UHRF2: variants seen among roughly 807,000 people sequenced by gnomAD.
UHRF2 encodes the protein ubiquitin like with PHD and ring finger domains 2.
In UHRF2, 23 loss-of-function variants were observed where a neutral mutation model predicts 96.8. That is an observed-to-expected ratio of 0.24 (90% CI 0.17 to 0.34). The LOEUF (loss-of-function observed/expected upper bound fraction) is 0.34. UHRF2 is among the 10% of genes least tolerant of loss of function. The pLI is 1.00. For synonymous variants in UHRF2, 385 were observed against 332.6 expected (o/e 1.16, Z -1.72); for missense variants, 685 against 981.5 (o/e 0.70, Z 4.04).
At chr9:6,487,969 A>C (rs897799402) in intron 9 of UHRF2, among the ~76,000 whole-genome samples, 13 of 152,024 alleles carry the variant, frequency 8.6e-5, no homozygotes, top group Non-Finnish European at 1.6e-4. Context: ...GGCCGAATCC[A>C]GTGGCTCATG....
At position 6,413,314 on chromosome 9, in the gene UHRF2, C is replaced by T; in HGVS notation, c.-177C>T. 9.1e-6 allele frequency: 4 copies of T among 438,508 alleles called. 1 individual carries two copies. The South Asian group carries it at 3.2e-4, about 35-fold the overall frequency. The allele number at this position is 438,508 out of a possible 1,614,324, so 27.2% of individuals were successfully genotyped here. ...TCTCCTCAAGTCGGCTAGTCGGGCGCGCGCGCTGAGAGTCGTCGCCGCCTG... is the reference window on the plus strand; with the variant it reads ...TCTCCTCAAGTCGGCTAGTCGGGCGTGCGCGCTGAGAGTCGTCGCCGCCTG... On this transcript the variant is annotated 5_prime_UTR_variant, in exon 1 of 16. Transcript: ENST00000276893.
At chr9:6,485,341 T>C (rs1824202251) in intron 8 of UHRF2, among the ~76,000 whole-genome samples, 1 of 152,166 alleles carries the variant, frequency 6.6e-6, no homozygotes, top group Non-Finnish European at 1.5e-5. Context: ...TATACCTGTC[T>C]GTCACGTATT....
chr9:6,468,409 G>A (rs1029396080), intron 4 of UHRF2: 20 of 455,822 alleles, frequency 4.4e-5, no homozygotes, highest in African/African-American at 8.0e-5. Context: ...TAAATAGCCC[G>A]ATCAAATAGT....
chr9:6,448,052 G>A (rs191010836), intron 3 of UHRF2, among the ~76,000 whole-genome samples: 1 of 152,194 alleles, frequency 6.6e-6, no homozygotes, highest in Non-Finnish European at 1.5e-5. Context: ...GTAATGGAAG[G>A]AGATGCTAGC....
intron 8 of UHRF2, among the ~76,000 whole-genome samples, chr9:6,485,526 G>A (rs1453132191): frequency 6.6e-6 from 1 of 151,670 alleles, no homozygotes; most frequent in Admixed American, 6.6e-5. Flanking sequence ...TTCTGCTGAG[G>A]TGTTTCAAAA....
intron 4 of UHRF2, chr9:6,468,367 G>C (rs964696860): frequency 2.2e-6 from 1 of 446,212 alleles, no homozygotes; most frequent in African/African-American, 2.0e-5. Flanking sequence ...TGGGACAGCT[G>C]GCAGTAGATT....
chr9:6,487,048 C>A, intron 9 of UHRF2, 123 bp downstream of exon 9: 1 of 802,240 alleles, frequency 1.2e-6, no homozygotes, highest in South Asian at 1.9e-5. Flanking sequence ...TTGAAGTAAT[C>A]AGTTTTATAC....
At chr9:6,455,886 AG>A in intron 3 of UHRF2, among the ~76,000 whole-genome samples, 1 of 152,122 alleles carries the variant, frequency 6.6e-6, no homozygotes, top group Non-Finnish European at 1.5e-5. Context: ...TGGGAGGCTG[AG>A]GTAAGAGGAT....
intron 4 of UHRF2, among the ~76,000 whole-genome samples, chr9:6,462,973 C>G (rs1822641254): frequency 1.3e-5 from 2 of 150,568 alleles, no homozygotes; most frequent in South Asian, 4.2e-4. Context: ...AACACACTGG[C>G]TTTAGAAGTG....
intron 6 of UHRF2, among the ~76,000 whole-genome samples, chr9:6,479,842 T>C (rs569627144): frequency 6.6e-6 from 1 of 152,346 alleles, no homozygotes; most frequent in Admixed American, 6.5e-5. Context: ...TTCTTAATAT[T>C]TCTCCATTCT....
chr9:6,461,762 G>A (rs1312355926), intron 4 of UHRF2, among the ~76,000 whole-genome samples: 1 of 152,014 alleles, frequency 6.6e-6, no homozygotes, highest in Non-Finnish European at 1.5e-5. Context: ...TTACACTTTG[G>A]AAAACATTAT....
intron 1 of UHRF2, among the ~76,000 whole-genome samples, chr9:6,420,692 G>C (rs1173674756): frequency 6.7e-6 from 1 of 149,674 alleles, no homozygotes; most frequent in African/African-American, 2.5e-5. Context: ...GGGCGACAGA[G>C]TGAGACACCG....
chr9:6,446,685 C>T (rs751926078), intron 3 of UHRF2, among the ~76,000 whole-genome samples: 1 of 151,640 alleles, frequency 6.6e-6, no homozygotes, highest in Non-Finnish European at 1.5e-5. Flanking sequence ...AACCCCGTCT[C>T]TATAGGAAAA....
chr9:6,445,553 G>T (rs1387750542), intron 3 of UHRF2, among the ~76,000 whole-genome samples: 1 of 151,950 alleles, frequency 6.6e-6, no homozygotes, highest in Admixed American at 6.6e-5. Flanking sequence ...GAGCCACCAC[G>T]CCTAGCCTCT....
intron 3 of UHRF2, among the ~76,000 whole-genome samples, chr9:6,443,349 A>G (rs1047913196): frequency 2.6e-5 from 4 of 152,170 alleles, no homozygotes; most frequent in African/African-American, 9.7e-5. Context: ...TGAAGTGTAG[A>G]TGTTTTCTTA....
chr9:6,461,531 C>T (rs929911693), intron 4 of UHRF2, among the ~76,000 whole-genome samples: 1 of 151,718 alleles, frequency 6.6e-6, no homozygotes, highest in African/African-American at 2.4e-5. Context: ...TGACACCACG[C>T]CCACCTAACT....
chr9:6,484,706 G>A (rs1334284622), intron 8 of UHRF2: 1 of 147,364 alleles, frequency 6.8e-6, no homozygotes, highest in Admixed American at 6.8e-5. Flanking sequence ...ACTGTGCCTT[G>A]CCCTACCTTC....
In UHRF2 at chr9:6,481,676, A is replaced by G; in HGVS notation, c.1194A>G (p.Glu398=). ...CTTCTTGTAAAACTGATTCCAGTGA[A>G]GTTGTAAAGGCTGGTGAAAGACTCA... ...YCPSCKTDSS[E]VVKAGERLKM... is the part of the protein sequence containing the mutation. Residue 398 remains glutamate, a synonymous_variant, in exon 7 of 16, where the codon GAA becomes GAG. Coordinates refer to ENST00000276893, the MANE Select transcript of UHRF2 (RefSeq NM_152896.3). 1 of 1,613,646 alleles carries G rather than the reference A, an allele frequency of 6.2e-7. No individual in the cohort carries two copies.
chr9:6,453,377 A>C (rs1443242730), intron 3 of UHRF2, among the ~76,000 whole-genome samples: 1 of 152,192 alleles, frequency 6.6e-6, no homozygotes, highest in Non-Finnish European at 1.5e-5. Flanking sequence ...ATACAGAATG[A>C]TGATAATGTG....
Sources: allele counts gnomAD v4.1 joint callset (sites outside exome capture counted in the v4.1 genomes callset), GRCh38; gene constraint gnomAD v4.1.1; transcripts MANE v1.5; gene names NCBI Gene and HGNC (gene_info 2026-07-23, HGNC 2026-07-21).